Variants in ABL1 observed in about 807,000 individuals in gnomAD.
The protein encoded by ABL1 is tyrosine-protein kinase ABL1.
A neutral mutation model predicts 94.7 loss-of-function variants in ABL1; 11 were observed. The observed-to-expected ratio is 0.12, with a 90% CI of 0.07 to 0.19. The LOEUF (loss-of-function observed/expected upper bound fraction) is 0.19, where lower values mean the gene tolerates loss of function less well. Among genes scored for constraint, ABL1 ranks in the 10% least tolerant of loss-of-function variants. The probability of loss-of-function intolerance (pLI) is 1.00; values close to 1 mark genes in which losing one functional copy is unlikely to be tolerated. For synonymous variants in ABL1, 656 were observed against 622.4 expected (o/e 1.05, Z -0.80); for missense variants, 1,082 against 1,489.4 (o/e 0.73, Z 4.50).
intron 1 of ABL1, among the ~76,000 whole-genome samples, chr9:130,755,522 C>T (rs538926310): frequency 2.0e-5 from 3 of 152,272 alleles, no homozygotes; most frequent in Middle Eastern, 3.4e-3. Flanking sequence ...TCTGCATGTT[C>T]GTGGTCTCTG....
At chr9:130,848,246 A>G (rs555918135) in intron 1 of ABL1, among the ~76,000 whole-genome samples, 1 of 151,616 alleles carries the variant, frequency 6.6e-6, no homozygotes, top group African/African-American at 2.4e-5. Flanking sequence ...CCTGCCTGTA[A>G]TCCCAGCACT....
At chr9:130,730,562 AT>A (rs949756932) in intron 1 of ABL1, among the ~76,000 whole-genome samples, 3 of 150,286 alleles carry the variant, frequency 2.0e-5, no homozygotes, top group African/African-American at 4.9e-5. Flanking sequence ...AGTTATTTAT[AT>A]TTTTTTTCCT....
chr9:130,818,502 G>A (rs1215530081), intron 1 of ABL1, among the ~76,000 whole-genome samples: 4 of 152,128 alleles, frequency 2.6e-5, no homozygotes, highest in Admixed American at 2.6e-4. Context: ...CAGTTTATCA[G>A]TGATTTCTCT....
chr9:130,790,538 C>T (rs1463946223), intron 1 of ABL1, among the ~76,000 whole-genome samples: 1 of 151,758 alleles, frequency 6.6e-6, no homozygotes, highest in Non-Finnish European at 1.5e-5. Context: ...GGCTGGAGTG[C>T]AGTGGTCTGA....
chr9:130,853,176 T>TC (rs988185797), intron 1 of ABL1, among the ~76,000 whole-genome samples: 2 of 129,576 alleles, frequency 1.5e-5, no homozygotes, highest in African/African-American at 5.8e-5. Flanking sequence ...TTTTCTTTTT[T>TC]TTTTTTTTTT....
chr9:130,803,509 T>C (rs1830084366), intron 1 of ABL1, among the ~76,000 whole-genome samples: 1 of 152,198 alleles, frequency 6.6e-6, no homozygotes, highest in Admixed American at 6.5e-5. Flanking sequence ...CAACAATAAA[T>C]AAAATGGTTA....
intron 1 of ABL1, among the ~76,000 whole-genome samples, chr9:130,753,217 A>G (rs1195181770): frequency 6.6e-6 from 1 of 151,700 alleles, no homozygotes; most frequent in Non-Finnish European, 1.5e-5. Context: ...AGATCGCGCC[A>G]CTGCACTCCA....
chr9:130,781,803 G>A (rs1359323359), intron 1 of ABL1, among the ~76,000 whole-genome samples: 1 of 151,602 alleles, frequency 6.6e-6, no homozygotes, highest in Admixed American at 6.6e-5. Flanking sequence ...TCCCCATTTA[G>A]TTTCCTAAAC....
chr9:130,810,373 A>G lies in ABL1; in HGVS notation c.137-43691A>G, dbSNP rs572744279. Among the ~76,000 whole-genome samples the G allele has an allele frequency of 2.0e-5, 3 of 152,184 alleles. No individual in the cohort carries two copies. In the East Asian group the frequency reaches 5.8e-4, roughly 29 times the overall value. Reference sequence around the variant, plus strand: ...TAGCTGGGTGTGGTAGCGTGCACCTATAATCCCAACTATACGGGAGGCTGA... The same window carrying G: ...TAGCTGGGTGTGGTAGCGTGCACCTGTAATCCCAACTATACGGGAGGCTGA... On this transcript the variant is annotated intron_variant, in intron 1 of 10. Transcript: ENST00000372348.
chr9:130,839,578 A>G (rs1830637822), intron 1 of ABL1, among the ~76,000 whole-genome samples: 1 of 152,180 alleles, frequency 6.6e-6, no homozygotes, highest in Non-Finnish European at 1.5e-5. Context: ...GTTTCTAGAA[A>G]AGAGGAAGGG....
At chr9:130,784,332 G>T (rs1442311056) in intron 1 of ABL1, among the ~76,000 whole-genome samples, 2 of 152,012 alleles carry the variant, frequency 1.3e-5, no homozygotes, top group African/African-American at 4.8e-5. Flanking sequence ...TGGGGTTATA[G>T]GTTTATATAC....
intron 1 of ABL1, among the ~76,000 whole-genome samples, chr9:130,722,775 A>G (rs979270654): frequency 2.0e-5 from 3 of 152,240 alleles, no homozygotes; most frequent in African/African-American, 4.8e-5. Context: ...TATAGAAGAA[A>G]ACAGAAGTTT....
chr9:130,775,120 A>G (rs146359101), intron 1 of ABL1, among the ~76,000 whole-genome samples: 11 of 152,336 alleles, frequency 7.2e-5, no homozygotes, highest in East Asian at 5.8e-4. Context: ...AGATTACTAC[A>G]GTTCCTAGTT....
At chr9:130,775,853 A>G (rs559124777) in intron 1 of ABL1, among the ~76,000 whole-genome samples, 48 of 152,332 alleles carry the variant, frequency 3.2e-4, no homozygotes, top group African/African-American at 1.0e-3. Flanking sequence ...AAGGAACCCT[A>G]TTAAACTCAA....
intron 1 of ABL1, among the ~76,000 whole-genome samples, chr9:130,758,141 T>C (rs938855586): frequency 3.3e-5 from 5 of 151,904 alleles, no homozygotes. Context: ...CTATTGTGTT[T>C]TGCAGAGTGG....
chr9:130,863,051 C>G lies in ABL1; in HGVS notation c.822+16C>G, dbSNP rs12551730. On this transcript the variant is annotated intron_variant, in intron 4 of 10. Coordinates refer to ENST00000318560, the MANE Select transcript of ABL1 (RefSeq NM_005157.6). The surrounding 1 kb of genome is among the most constrained non-coding windows in gnomAD (Gnocchi z 4.3). ...GACCTTGAAGGTAGGCTGGGACTGC[C>G]GGGGGTGCCCAGGGTACGTGGGGCA... 3,879 of 1,578,462 alleles carry G rather than the reference C, an allele frequency of 2.5e-3. 89 individuals carry two copies. In the Admixed American group the frequency reaches 0.04, roughly 16 times the overall value.
At chr9:130,714,701 C>T (rs1046552972) in intron 1 of ABL1, among the ~76,000 whole-genome samples, 9 of 152,156 alleles carry the variant, frequency 5.9e-5, no homozygotes, top group Non-Finnish European at 1.3e-4. Context: ...TCACTGTTGA[C>T]CTTGGACAAG....
chr9:130,828,216 C>T (rs555748042), intron 1 of ABL1, among the ~76,000 whole-genome samples: 1 of 152,104 alleles, frequency 6.6e-6, no homozygotes, highest in African/African-American at 2.4e-5. Context: ...GCACGCACCA[C>T]CACACCTGGC....
At chr9:130,767,406 C>G (rs1194513012) in intron 1 of ABL1, among the ~76,000 whole-genome samples, 1 of 152,200 alleles carries the variant, frequency 6.6e-6, no homozygotes, top group Non-Finnish European at 1.5e-5. Context: ...AATCTCTGCT[C>G]ACTATAACCT....
Sources: allele counts gnomAD v4.1 joint callset (sites outside exome capture counted in the v4.1 genomes callset), GRCh38; gene constraint gnomAD v4.1.1; non-coding constraint Gnocchi (gnomAD v3.1); transcripts MANE v1.5; gene names NCBI Gene and HGNC (gene_info 2026-07-23, HGNC 2026-07-21).